The following FAM185A variants were observed in gnomAD, a reference collection of about 807,000 sequenced individuals.
FAM185A encodes protein FAM185A.
FAM185A carries 21 observed loss-of-function variants against 45.7 expected under a neutral mutation model. The observed-to-expected ratio is 0.46, with a 90% CI of 0.33 to 0.66. The LOEUF (loss-of-function observed/expected upper bound fraction) is 0.66. FAM185A is among the 30% of genes least tolerant of loss of function. FAM185A has a pLI of 0.03. For synonymous variants in FAM185A, 117 were observed against 194.0 expected (o/e 0.60, Z 3.30); for missense variants, 305 against 485.4 (o/e 0.63, Z 3.49).
chr7:102,830,909 T>C, the FAM185A span, among the ~76,000 whole-genome samples: 1 of 152,242 alleles, frequency 6.6e-6, no homozygotes, highest in South Asian at 2.1e-4. Context: ...TATCTTCCAC[T>C]TTAGAGACTT....
chr7:102,759,741 T>TA (rs1793997765), intron 3 of FAM185A, among the ~76,000 whole-genome samples: 2 of 151,964 alleles, frequency 1.3e-5, no homozygotes, highest in African/African-American at 2.4e-5. Context: ...TAGAACAAAC[T>TA]AAAAAAATCC....
intron 7 of FAM185A, among the ~76,000 whole-genome samples, chr7:102,796,436 AGT>A (rs1436894032): frequency 3.3e-5 from 5 of 152,230 alleles, no homozygotes; most frequent in Non-Finnish European, 5.9e-5. Context: ...CTGAAAAGGG[AGT>A]CTAGTCCCCA....
At chr7:102,780,969 T>TGC (rs1326800979) in intron 6 of FAM185A, among the ~76,000 whole-genome samples, 1 of 152,210 alleles carries the variant, frequency 6.6e-6, no homozygotes, top group Non-Finnish European at 1.5e-5. Context: ...ACCCTAATAC[T>TGC]GCTTATTTCC....
At chr7:102,793,457 C>G (rs1796259377) in intron 7 of FAM185A, among the ~76,000 whole-genome samples, 2 of 152,230 alleles carry the variant, frequency 1.3e-5, no homozygotes, top group East Asian at 3.9e-4. Flanking sequence ...GATCCGCCCA[C>G]CTCGGCCTCC....
intron 6 of FAM185A, among the ~76,000 whole-genome samples, chr7:102,782,732 A>G (rs1795489935): frequency 6.6e-6 from 1 of 152,180 alleles, no homozygotes; most frequent in African/African-American, 2.4e-5. Context: ...CTAGGAAGAA[A>G]CTGCATCAAC....
chr7:102,753,807 A>G (rs879023461), intron 2 of FAM185A, among the ~76,000 whole-genome samples: 1 of 152,236 alleles, frequency 6.6e-6, no homozygotes, highest in Non-Finnish European at 1.5e-5. Flanking sequence ...TAAAAGTCCA[A>G]TGGACCAATT....
Position 102,749,105 on chromosome 7 carries a change from C to T in FAM185A, c.-103C>T. ...TGTTTCAGCAAACCCTGACTTACGTCTCCTATTTGACTTGAGGCGGCACAG... is the reference window on the plus strand; with the variant it reads ...TGTTTCAGCAAACCCTGACTTACGTTTCCTATTTGACTTGAGGCGGCACAG... On this transcript the variant is annotated 5_prime_UTR_variant, in exon 1 of 8. Transcript: ENST00000413034. The T allele has an allele frequency of 2.7e-6, 4 of 1,470,254 alleles. No homozygotes were observed. The highest frequency in any genetic ancestry group is 3.7e-6 in the Non-Finnish European group (4 of 1,074,572). 91.1% of individuals were successfully genotyped at this position (1,470,254 alleles called of 1,614,324 possible).
chr7:102,765,286 A>G (rs1452527383), intron 4 of FAM185A, among the ~76,000 whole-genome samples: 1 of 152,148 alleles, frequency 6.6e-6, no homozygotes, highest in African/African-American at 2.4e-5. Context: ...AAGTTCCTTG[A>G]GTTTCAGGAC....
rs1326935498 is a variant in FAM185A at position 102,787,400 on chromosome 7, G to T, written c.997G>T (p.Asp333Tyr). 1.4e-5 allele frequency: 22 copies of T among 1,536,502 alleles called. No homozygotes were observed. Among genetic ancestry groups the T allele is most frequent in the Non-Finnish European group, 1.8e-5 (21 of 1,136,386 alleles). Residue 333 changes from aspartate (D) to tyrosine (Y), a missense_variant, in exon 7 of 8, where the codon GAT becomes TAT. Asp to Tyr is a radical substitution (Grantham distance 160). Around this residue, in one of 5 missense-constraint regions of FAM185A, gnomAD observed 66 missense variants for 74.6 expected, o/e 0.89. Coordinates refer to ENST00000413034, the MANE Select transcript of FAM185A (RefSeq NM_001145268.2). ...AHLQLSGKEV[D>Y]VNSEVHVQEM... ...TTTACAGTTATCAGGGAAAGAGGTT[G>T]ATGTGAACTCAGAAGTCCATGTTCA...
the FAM185A span, among the ~76,000 whole-genome samples, chr7:102,823,389 A>G: frequency 6.6e-6 from 1 of 152,218 alleles, no homozygotes; most frequent in Non-Finnish European, 1.5e-5. Context: ...AGATGTAAAA[A>G]AGATGGAGTA....
At chr7:102,811,035 A>G (rs1797399793), downstream of FAM185A, among the ~76,000 whole-genome samples, 1 of 152,170 alleles carries the variant, frequency 6.6e-6, no homozygotes, top group African/African-American at 2.4e-5. Context: ...ATACTCACAC[A>G]TTGGTATATT....
At chr7:102,825,607 T>G in the FAM185A span, among the ~76,000 whole-genome samples, 8 of 152,322 alleles carry the variant, frequency 5.3e-5, no homozygotes, top group South Asian at 1.7e-3. Flanking sequence ...GGCTCTTGTT[T>G]ACGAATTTTC....
chr7:102,832,974 C>A, the FAM185A span: 1 of 1,613,780 alleles, frequency 6.2e-7, no homozygotes, highest in Non-Finnish European at 8.5e-7. Flanking sequence ...TTGCAGAATG[C>A]CTGCAAAAAA....
chr7:102,808,387 G>C lies in FAM185A; in HGVS notation c.1164G>C (p.Leu388=), dbSNP rs1301922820. ...SFRRQSWFQS[L]KLQD ...GAAGGCAAAGTTGGTTTCAGTCCCT[G>C]AAACTGCAGGACTAAAACTGATTTG... Residue 388 remains leucine, a synonymous_variant, in exon 8 of 8, where the codon CTG becomes CTC. Coordinates refer to ENST00000413034, the MANE Select transcript of FAM185A (RefSeq NM_001145268.2). The C allele has an allele frequency of 6.5e-7, 1 of 1,539,540 alleles. No homozygotes were observed. The highest frequency in any genetic ancestry group is 1.2e-5 in the South Asian group (1 of 83,792).
intron 5 of FAM185A, among the ~76,000 whole-genome samples, 176 bp from the exon 6 acceptor site, chr7:102,777,077 T>A (rs1365950536): frequency 2.0e-5 from 3 of 152,182 alleles, no homozygotes; most frequent in Non-Finnish European, 4.4e-5. Context: ...GATTTCTAGG[T>A]TTCTGATACT....
At chr7:102,803,369 G>A (rs1796908101) in intron 7 of FAM185A, among the ~76,000 whole-genome samples, 1 of 152,072 alleles carries the variant, frequency 6.6e-6, no homozygotes, top group Non-Finnish European at 1.5e-5. Flanking sequence ...ATGGAGGGAT[G>A]GTTTAACATA....
At chr7:102,750,107 G>T (rs999955563) in intron 1 of FAM185A, among the ~76,000 whole-genome samples, 28 of 152,114 alleles carry the variant, frequency 1.8e-4, no homozygotes, top group African/African-American at 6.8e-4. Flanking sequence ...TTGAGTATTT[G>T]GTTTTAGACG....
intron 7 of FAM185A, among the ~76,000 whole-genome samples, chr7:102,788,473 A>G (rs1795952070): frequency 6.6e-6 from 1 of 152,192 alleles, no homozygotes; most frequent in Non-Finnish European, 1.5e-5. Flanking sequence ...TTTCAGTTTT[A>G]GGTATTCATT....
At chr7:102,813,582 C>CA (rs760504255), downstream of FAM185A, 1 of 1,563,986 alleles carries the variant, frequency 6.4e-7, no homozygotes, top group African/African-American at 1.4e-5. Flanking sequence ...ACCCCTAGTG[C>CA]AAAATTTTCA....
Sources: gnomAD v4.1 joint callset for allele counts (sites outside exome capture counted in the v4.1 genomes callset) on GRCh38, gnomAD v4.1.1 for gene constraint, gnomAD v4.1.1 regional missense constraint, MANE v1.5 for transcripts, NCBI Gene and HGNC (gene_info 2026-07-23, HGNC 2026-07-21) for gene names.